The following ESR1 variants were observed in gnomAD, a reference collection of about 807,000 sequenced individuals.
ESR1 encodes estrogen receptor.
Under a neutral mutation model 52.7 loss-of-function variants are expected in ESR1, and 12 were observed. The ratio of observed to expected loss-of-function variants is 0.23; its 90% confidence interval spans 0.15 to 0.37. The LOEUF is 0.37. ESR1 is among the 10% of genes least tolerant of loss of function. The pLI, the probability that ESR1 is intolerant of heterozygous loss-of-function variation, is 1.00. For synonymous variants in ESR1, 305 were observed against 316.8 expected (o/e 0.96, Z 0.39); for missense variants, 584 against 779.7 (o/e 0.75, Z 2.99).
At chr6:151,822,407 AG>A (rs998434864) in intron 1 of ESR1, among the ~76,000 whole-genome samples, 34 of 152,336 alleles carry the variant, frequency 2.2e-4, no homozygotes, top group African/African-American at 8.2e-4. Context: ...AGTTCCTCTA[AG>A]GAGCTGAAAA....
chr6:151,947,917 C>T (rs1267584789), intron 4 of ESR1, among the ~76,000 whole-genome samples: 1 of 152,012 alleles, frequency 6.6e-6, no homozygotes, highest in Non-Finnish European at 1.5e-5. Flanking sequence ...ATTTATCTAT[C>T]GAGAAGACTT....
chr6:151,897,747 G>A (rs1022282716), intron 3 of ESR1, among the ~76,000 whole-genome samples: 1 of 151,998 alleles, frequency 6.6e-6, no homozygotes, highest in Non-Finnish European at 1.5e-5. Flanking sequence ...GTATACCTTG[G>A]ATTTTTTTTA....
At chr6:151,927,520 T>G (rs1435191640) in intron 3 of ESR1, among the ~76,000 whole-genome samples, 4 of 152,284 alleles carry the variant, frequency 2.6e-5, no homozygotes, top group South Asian at 2.1e-4. Context: ...TTAATATATA[T>G]AGAGATATTT....
intron 3 of ESR1, among the ~76,000 whole-genome samples, chr6:151,893,152 C>T (rs1215915907): frequency 6.6e-6 from 1 of 152,118 alleles, no homozygotes; most frequent in Non-Finnish European, 1.5e-5. Context: ...GATCGTGCCA[C>T]TGCACTCCAG....
rs546934473 is a variant in ESR1 at position 151,910,715 on chromosome 6, A to C, written c.760+29944A>C. On this transcript the variant is annotated intron_variant, in intron 3 of 7. Coordinates refer to ENST00000206249, the MANE Select transcript of ESR1 (RefSeq NM_000125.4). ...TTGAAAGTAGGCCATTGGTAAAGCA[A>C]TCTATTAAAGTGCAGGAAGAAAGTA... 1.9e-4 allele frequency among the ~76,000 whole-genome samples: 29 copies of C among 152,330 alleles called. No individual in the cohort carries two copies. In the East Asian group the frequency reaches 1.9e-3, roughly 10 times the overall value.
intron 5 of ESR1, among the ~76,000 whole-genome samples, chr6:152,037,248 A>G (rs1354167542): frequency 6.6e-6 from 1 of 152,182 alleles, no homozygotes; most frequent in Non-Finnish European, 1.5e-5. Context: ...GAGAGTGAGC[A>G]TGCAAAAGAG....
intron 5 of ESR1, among the ~76,000 whole-genome samples, chr6:152,023,907 T>G: frequency 6.6e-6 from 1 of 152,188 alleles, no homozygotes; most frequent in East Asian, 1.9e-4. Context: ...CTTACATTTT[T>G]GTAAATAAAA....
At chr6:151,913,859 A>G (rs540391676) in intron 3 of ESR1, among the ~76,000 whole-genome samples, 1 of 152,308 alleles carries the variant, frequency 6.6e-6, no homozygotes, top group South Asian at 2.1e-4. Context: ...TCTTAGTTAA[A>G]AAATGATTCC....
At chr6:151,846,547 G>A (rs1785160400) in intron 2 of ESR1, among the ~76,000 whole-genome samples, 1 of 152,206 alleles carries the variant, frequency 6.6e-6, no homozygotes, top group Admixed American at 6.5e-5. Context: ...AGCTCTCCCT[G>A]TTTTCCTTGT....
At position 152,099,032 on chromosome 6, in the gene ESR1, T is replaced by G. The variant is rs1241579261; in HGVS notation, c.*66T>G. ...CATTTTACCCTCATCATGCACCACT[T>G]TAGCCAAATTCTGTCTCCTGCATAC... On this transcript the variant is annotated 3_prime_UTR_variant, in exon 8 of 8. Coordinates refer to ENST00000206249, the MANE Select transcript of ESR1 (RefSeq NM_000125.4). 7.4e-7 allele frequency: 1 copy of G among 1,348,730 alleles called. No individual in the cohort carries two copies. The highest frequency in any genetic ancestry group is 1.4e-5 in the African/African-American group (1 of 69,936). The allele number at this position is 1,348,730 out of a possible 1,614,324, so 83.5% of individuals were successfully genotyped here. A position where few individuals can be genotyped will look rare whatever the true frequency, so the allele number is the denominator to read the frequency against.
intron 5 of ESR1, among the ~76,000 whole-genome samples, chr6:152,019,285 G>T (rs577587882): frequency 6.6e-6 from 1 of 152,196 alleles, no homozygotes; most frequent in East Asian, 1.9e-4. Flanking sequence ...AGGCACACAC[G>T]TACACACACA....
intron 2 of ESR1, among the ~76,000 whole-genome samples, chr6:151,777,940 A>C (rs1414532771): frequency 6.6e-6 from 1 of 152,196 alleles, no homozygotes; most frequent in Non-Finnish European, 1.5e-5. Context: ...AGCCTGGGGA[A>C]CAAGAGCGAA....
intron 6 of ESR1, among the ~76,000 whole-genome samples, chr6:152,075,735 G>T (rs1054687311): frequency 1.3e-5 from 2 of 152,174 alleles, no homozygotes; most frequent in African/African-American, 4.8e-5. Flanking sequence ...GCAAAGCTTT[G>T]CAGGCTATTA....
intron 7 of ESR1, among the ~76,000 whole-genome samples, chr6:152,095,678 A>G (rs9341054): frequency 4.6e-5 from 7 of 152,218 alleles, no homozygotes; most frequent in Admixed American, 2.0e-4. Context: ...ATTTCTGAGC[A>G]ATAATCTAAC....
At chr6:151,823,770 CT>C (rs1278998207) in intron 1 of ESR1, among the ~76,000 whole-genome samples, 3 of 152,176 alleles carry the variant, frequency 2.0e-5, no homozygotes, top group Non-Finnish European at 4.4e-5. Flanking sequence ...TGGTTTCCAG[CT>C]TCATCCATGT....
intron 6 of ESR1, among the ~76,000 whole-genome samples, chr6:152,083,395 G>A (rs1366270462): frequency 6.6e-6 from 1 of 152,162 alleles, no homozygotes; most frequent in African/African-American, 2.4e-5. Flanking sequence ...ATGGTGCTAG[G>A]AAAACTGGCT....
At chr6:151,841,914 T>G (rs1784350292) in intron 1 of ESR1, among the ~76,000 whole-genome samples, 1 of 152,144 alleles carries the variant, frequency 6.6e-6, no homozygotes, top group Admixed American at 6.6e-5. Flanking sequence ...AGATGGAGTC[T>G]TGCTATATTG....
At chr6:151,920,177 G>A (rs180826856) in intron 3 of ESR1, among the ~76,000 whole-genome samples, 135 of 152,202 alleles carry the variant, frequency 8.9e-4, no homozygotes, top group Non-Finnish European at 1.2e-3. Context: ...TCTAAGGTAG[G>A]ATGATTCAGC....
intron 4 of ESR1, among the ~76,000 whole-genome samples, chr6:151,985,042 A>T (rs1208681381): frequency 6.6e-6 from 1 of 152,256 alleles, no homozygotes; most frequent in Non-Finnish European, 1.5e-5. Context: ...ATGAAATAGC[A>T]TATCAATGTA....
Sources: allele counts gnomAD v4.1 joint callset (sites outside exome capture counted in the v4.1 genomes callset), GRCh38; gene constraint gnomAD v4.1.1; transcripts MANE v1.5; gene names NCBI Gene and HGNC (gene_info 2026-07-23, HGNC 2026-07-21).